The following ETFB variants were observed in gnomAD, a reference collection of about 807,000 sequenced individuals.
The protein encoded by ETFB is beta-ETF.
A neutral mutation model predicts 25.6 loss-of-function variants in ETFB; 20 were observed. That is an observed-to-expected ratio of 0.78 (90% CI 0.55 to 1.14). ETFB has a LOEUF of 1.14. Among genes scored for constraint, ETFB ranks in the 50% most tolerant of loss-of-function variants. ETFB has a pLI of 0.00. For missense variants in ETFB, 286 were observed against 342.6 expected (o/e 0.83, Z 1.30); for synonymous variants, 142 against 146.7 (o/e 0.97, Z 0.23).
intron 4 of ETFB, 70 bp from the exon 5 acceptor site, chr19:51,347,128 G>A (rs908909594): frequency 5.3e-5 from 80 of 1,496,582 alleles, no homozygotes; most frequent in Non-Finnish European, 3.0e-5. Context: ...GTCTGCTTAT[G>A]CCACTACTGA....
intron 1 of ETFB, chr19:51,355,529 TGTG>T (rs1158581432): frequency 1.3e-5 from 2 of 152,206 alleles, no homozygotes; most frequent in Non-Finnish European, 2.9e-5. Context: ...TGGAAGTCGG[TGTG>T]GTGATTCCTC....
chr19:51,357,486 C>CTTTTTTTTTTTTT lies in ETFB; in HGVS notation c.58-3179_58-3178insAAAAAAAAAAAAA, dbSNP rs199903123. Reference sequence around the variant, plus strand: ...GCCCACCACAATCCTTTTTTTCTTTCTTTCTTTTTTTTTTTTTTTTTGAGA... The same window carrying CTTTTTTTTTTTTT: ...GCCCACCACAATCCTTTTTTTCTTTCTTTTTTTTTTTTTTTTCTTTTTTTTTTTTTTTTTGAGA... On this transcript the variant is annotated intron_variant, in intron 1 of 5. Transcript: ENST00000309244. Among the ~76,000 whole-genome samples, 18 of 100,780 alleles carry CTTTTTTTTTTTTT rather than the reference C, an allele frequency of 1.8e-4. 1 individual carries two copies. The highest frequency in any genetic ancestry group is 3.5e-4 in the South Asian group (1 of 2,850). The allele number at this position is 100,780 out of a possible 152,430, so 66.1% of individuals were successfully genotyped here.
At chr19:51,350,979 G>A (rs1985921082) in intron 3 of ETFB, among the ~76,000 whole-genome samples, 1 of 152,176 alleles carries the variant, frequency 6.6e-6, no homozygotes, top group African/African-American at 2.4e-5. Flanking sequence ...ACTGACTTTT[G>A]GTCTAGAACG....
In ETFB at chr19:51,354,098, C is replaced by T. The variant is rs539271469; in HGVS notation, c.216+52G>A. On this transcript the variant is annotated intron_variant, in intron 2 of 5. Coordinates refer to ENST00000309244, the MANE Select transcript of ETFB (RefSeq NM_001985.3). ...CAGACCCAGGAGTCCAGGTCCCAGC[C>T]CCTCCTCCGTCAGACCCAGGAGTCC... 4.2e-5 allele frequency: 66 copies of T among 1,590,288 alleles called. No individual in the cohort carries two copies. In the East Asian group the frequency reaches 1.4e-3, roughly 34 times the overall value.
At chr19:51,349,856 T>TCTC (rs3077081) in intron 4 of ETFB, among the ~76,000 whole-genome samples, 132,071 of 151,850 alleles carry the variant, frequency 0.87, 57,980 homozygotes, top group African/African-American at 0.94. Flanking sequence ...TTCAAGCAAT[T>TCTC]CTCCCTCAGC....
intron 5 of ETFB, 171 bp downstream of exon 5, chr19:51,346,729 G>T: frequency 1.5e-6 from 1 of 650,296 alleles, no homozygotes; most frequent in Non-Finnish European, 2.6e-6. Flanking sequence ...CTCAGTATTG[G>T]CAGAGATGAC....
intron 1 of ETFB, among the ~76,000 whole-genome samples, chr19:51,361,182 C>T (rs145642684): frequency 0.028 from 4,278 of 152,184 alleles, 172 homozygotes; most frequent in African/African-American, 0.094. Flanking sequence ...CCGCCCACCT[C>T]GGCCTCCCAA....
Position 51,357,486 on chromosome 19 carries a change from C to CTTTTTT in ETFB, c.58-3179_58-3178insAAAAAA, listed in dbSNP as rs199903123. ...GCCCACCACAATCCTTTTTTTCTTTCTTTCTTTTTTTTTTTTTTTTTGAGA... is the reference window on the plus strand; with the variant it reads ...GCCCACCACAATCCTTTTTTTCTTTCTTTTTTTTTCTTTTTTTTTTTTTTTTTGAGA... On this transcript the variant is annotated intron_variant, in intron 1 of 5. Coordinates refer to ENST00000309244, the MANE Select transcript of ETFB (RefSeq NM_001985.3). Among the ~76,000 whole-genome samples, 600 of 100,638 alleles carry CTTTTTT rather than the reference C, an allele frequency of 6.0e-3. 15 individuals are homozygous for CTTTTTT. Among genetic ancestry groups the CTTTTTT allele is most frequent in the Non-Finnish European group, 9.6e-3 (469 of 49,058 alleles). 66.0% of individuals were successfully genotyped at this position (100,638 alleles called of 152,430 possible).
rs73560149 is a variant in ETFB, at chr19:51,359,049, G to C, written c.58-4741C>G. On this transcript the variant is annotated intron_variant, in intron 1 of 5. Transcript: ENST00000309244. ...AGAAAGAGGAGAAGGAGCTGGAAGA[G>C]GAGAGGAAAGAGAAAGAACTGTTAT... Among the ~76,000 whole-genome samples the C allele has an allele frequency of 4.5e-3, 684 of 152,066 alleles. 7 individuals carry two copies. The highest frequency in any genetic ancestry group is 0.016 in the African/African-American group (661 of 41,494).
At chr19:51,349,266 G>A (rs764255843) in intron 4 of ETFB, among the ~76,000 whole-genome samples, 9 of 152,112 alleles carry the variant, frequency 5.9e-5, no homozygotes, top group Non-Finnish European at 1.3e-4. Flanking sequence ...ATTTATGATG[G>A]ATTTATCAGG....
intron 3 of ETFB, among the ~76,000 whole-genome samples, chr19:51,352,643 G>A (rs201585710): frequency 2.6e-5 from 4 of 151,822 alleles, no homozygotes; most frequent in Non-Finnish European, 5.9e-5. Context: ...ACAGAGTCTC[G>A]CTCTGCTCCC....
intron 3 of ETFB, 101 bp from the exon 4 acceptor site, chr19:51,350,492 T>C: frequency 1.4e-6 from 1 of 706,094 alleles, no homozygotes. Flanking sequence ...TTCTTTCTTT[T>C]TTTTCTTTTT....
In ETFB at chr19:51,353,377, G is replaced by A. The variant is rs3889312; in HGVS notation, c.217-87C>T. ...CGCAGCCCCTCCTTCCTCAGACCCA[G>A]GAGTCCAGGGCCCCATCCCCTCCTT... On this transcript the variant is annotated intron_variant, in intron 2 of 5. Coordinates refer to ENST00000309244, the MANE Select transcript of ETFB (RefSeq NM_001985.3). The A allele has an allele frequency of 0.77, 480,628 of 626,376 alleles. 190,308 individuals carry two copies. Among genetic ancestry groups the A allele is most frequent in the African/African-American group, 0.86 (41,619 of 48,152 alleles). The allele number at this position is 626,376 out of a possible 1,614,324, so 38.8% of individuals were successfully genotyped here.
Position 51,353,161 on chromosome 19 carries a change from TCTC to T in ETFB, c.343_345del (p.Glu115del), listed in dbSNP as rs777551226. ...TTGCCCAGCAGCACCAGGTCCACCT[TCTC>T]CTTCTCTGCCAGCTTGGCCAGGACC... On this transcript the variant is annotated inframe_deletion, in exon 3 of 6. Coordinates refer to ENST00000309244, the MANE Select transcript of ETFB (RefSeq NM_001985.3). 82 of 1,613,884 alleles carry T rather than the reference TCTC, an allele frequency of 5.1e-5. No homozygotes were observed. Among genetic ancestry groups the T allele is most frequent in the Non-Finnish European group, 6.7e-5 (79 of 1,179,972 alleles).
rs1985968688 is a variant in ETFB at position 51,353,119 on chromosome 19, T to A, written c.375+13A>T. On this transcript the variant is annotated intron_variant, in intron 3 of 5. Coordinates refer to ENST00000309244, the MANE Select transcript of ETFB (RefSeq NM_001985.3). ...ATGAGCAAGGGGGCACAGGGAGGGC[T>A]GACCACAGCTACCTGTTTGCCCAGC... 6.2e-7 allele frequency: 1 copy of A among 1,613,870 alleles called. No homozygotes were observed. Among genetic ancestry groups the A allele is most frequent in the Admixed American group, 1.7e-5 (1 of 60,018 alleles).
At chr19:51,347,941 C>T (rs1985837497) in intron 4 of ETFB, 1 of 152,170 alleles carries the variant, frequency 6.6e-6, no homozygotes, top group African/African-American at 2.4e-5. Context: ...AAATAAGACA[C>T]ATGATATGAG....
chr19:51,345,428 C>A, intron 5 of ETFB, 47 bp from the exon 6 acceptor site: 1 of 1,591,332 alleles, frequency 6.3e-7, no homozygotes, highest in Non-Finnish European at 8.6e-7. Context: ...ACTCCTGCCA[C>A]CCTTCCTGCC....
At chr19:51,350,660 T>A (rs1161584545) in intron 3 of ETFB, among the ~76,000 whole-genome samples, 1 of 152,078 alleles carries the variant, frequency 6.6e-6, no homozygotes, top group Non-Finnish European at 1.5e-5. Context: ...AATTTTTGTA[T>A]TTTCAGTAGA....
intron 3 of ETFB, among the ~76,000 whole-genome samples, chr19:51,351,069 C>T (rs1985923475): frequency 6.6e-6 from 1 of 152,244 alleles, no homozygotes; most frequent in Non-Finnish European, 1.5e-5. Flanking sequence ...GTCGTCAAGT[C>T]TCTGCCCTCT....
Sources: allele counts gnomAD v4.1 joint callset (sites outside exome capture counted in the v4.1 genomes callset), GRCh38; gene constraint gnomAD v4.1.1; transcripts MANE v1.5; gene names NCBI Gene and HGNC (gene_info 2026-07-23, HGNC 2026-07-21).